Variants in DNM3 observed in about 807,000 individuals in gnomAD.
DNM3 encodes dynamin-3.
DNM3 carries 47 observed loss-of-function variants against 101.6 expected under a neutral mutation model. The ratio of observed to expected loss-of-function variants is 0.46; its 90% CI spans 0.37 to 0.59. The LOEUF is 0.59. DNM3 is among the 20% of genes least tolerant of loss of function. The pLI, the probability that DNM3 is intolerant of heterozygous loss-of-function variation, is 0.00. For missense variants in DNM3, 849 were observed against 1,085.7 expected (o/e 0.78, Z 3.06); for synonymous variants, 385 against 387.9 (o/e 0.99, Z 0.09).
chr1:172,118,507 G>A (rs773115549), intron 13 of DNM3, among the ~76,000 whole-genome samples: 1 of 151,934 alleles, frequency 6.6e-6, no homozygotes, highest in Non-Finnish European at 1.5e-5. Context: ...CTGATTCTCT[G>A]TTTGATATGT....
chr1:172,342,515 CCAAATATTA>C (rs1222319670), intron 17 of DNM3, among the ~76,000 whole-genome samples: 1 of 152,008 alleles, frequency 6.6e-6, no homozygotes, highest in East Asian at 1.9e-4. Context: ...GAACAGAAAA[CCAAATATTA>C]CATGTTTTCA....
chr1:172,108,486 T>C (rs558766382), intron 13 of DNM3, among the ~76,000 whole-genome samples: 2 of 152,364 alleles, frequency 1.3e-5, no homozygotes, highest in South Asian at 4.1e-4. Flanking sequence ...GCAAAATGGT[T>C]TATTTGCCTA....
intron 17 of DNM3, among the ~76,000 whole-genome samples, chr1:172,326,364 G>A (rs1270526714): frequency 6.6e-6 from 1 of 152,082 alleles, no homozygotes; most frequent in Non-Finnish European, 1.5e-5. Context: ...GGTTTCCCTG[G>A]ACCACAGATT....
intron 4 of DNM3, among the ~76,000 whole-genome samples, chr1:171,998,647 C>A (rs1035040968): frequency 1.9e-4 from 29 of 151,996 alleles, no homozygotes; most frequent in Non-Finnish European, 1.0e-4. Context: ...AGCCAGATAA[C>A]AGAAAACCCA....
At chr1:171,921,951 C>A in intron 2 of DNM3, 130 bp downstream of exon 2, 1 of 672,424 alleles carries the variant, frequency 1.5e-6, no homozygotes, top group Non-Finnish European at 2.6e-6. Flanking sequence ...CCACATTTCT[C>A]TCCAGAATGC....
intron 17 of DNM3, among the ~76,000 whole-genome samples, chr1:172,356,924 T>G (rs2067483318): frequency 6.6e-6 from 1 of 151,994 alleles, no homozygotes; most frequent in African/African-American, 2.4e-5. Flanking sequence ...CAAAACCTTA[T>G]GGGGATATAT....
chr1:172,106,929 C>T (rs1341632303), intron 13 of DNM3, among the ~76,000 whole-genome samples: 1 of 139,958 alleles, frequency 7.1e-6, no homozygotes, highest in Non-Finnish European at 1.5e-5. Context: ...GGCGCAATCT[C>T]GGCTCACTGC....
chr1:172,197,256 C>A (rs1265201114), intron 14 of DNM3, among the ~76,000 whole-genome samples: 1 of 151,908 alleles, frequency 6.6e-6, no homozygotes, highest in African/African-American at 2.4e-5. Flanking sequence ...TATTCTGTTC[C>A]ATTGGTCTAT....
In DNM3 at chr1:172,033,102, C is replaced by A; in HGVS notation, c.689-3C>A. 1 of 1,610,772 alleles carries A rather than the reference C, an allele frequency of 6.2e-7. No individual in the cohort carries two copies. The highest frequency in any genetic ancestry group is 8.5e-7 in the Non-Finnish European group (1 of 1,178,464). On this transcript the variant is annotated splice_polypyrimidine_tract_variant and splice_region_variant and intron_variant, in intron 5 of 20. Transcript: ENST00000627582. ...AACTCCATAGATTTGTGTTTTGTTT[C>A]AGGTTACGTGGGGGTGGTAAACAGA... is the stretch of plus-strand genomic sequence containing the variant.
chr1:172,279,219 T>C (rs1190615459), intron 15 of DNM3, among the ~76,000 whole-genome samples: 1 of 152,160 alleles, frequency 6.6e-6, no homozygotes, highest in East Asian at 1.9e-4. Context: ...TAAAAGCATA[T>C]TCATTTGAAA....
intron 14 of DNM3, chr1:172,138,180 T>C (rs530129271): frequency 3.7e-4 from 57 of 152,204 alleles, no homozygotes; most frequent in African/African-American, 1.4e-3. Context: ...GAAACTATTA[T>C]TTTAATATAG....
intron 6 of DNM3, among the ~76,000 whole-genome samples, chr1:172,034,958 C>G (rs1219959375): frequency 1.3e-5 from 2 of 151,816 alleles, no homozygotes; most frequent in African/African-American, 4.8e-5. Context: ...AGAGGAACAA[C>G]AAGATCAGAT....
At chr1:172,117,926 C>T (rs2056039442) in intron 13 of DNM3, among the ~76,000 whole-genome samples, 1 of 152,138 alleles carries the variant, frequency 6.6e-6, no homozygotes, top group Non-Finnish European at 1.5e-5. Context: ...GATTGTGGCA[C>T]TGAACAGGGG....
At chr1:172,137,854 T>A (rs1273959608) in intron 14 of DNM3, 1 of 152,160 alleles carries the variant, frequency 6.6e-6, no homozygotes, top group Non-Finnish European at 1.5e-5. Context: ...CCCTTATCAT[T>A]TCACTCCAGT....
rs574482533 is a variant in DNM3, at chr1:172,356,804, A to C, written c.1894-22214A>C. Among the ~76,000 whole-genome samples, 15 of 152,170 alleles carry C rather than the reference A, an allele frequency of 9.9e-5. 1 individual carries two copies. The highest frequency in any genetic ancestry group is 1.7e-4 in the African/African-American group (7 of 41,536). ...GAAAAAGATAAGGTTACTTTATACTATCTCTCAATAAATGGAGCCAAGGAT... is the reference window on the plus strand; with the variant it reads ...GAAAAAGATAAGGTTACTTTATACTCTCTCTCAATAAATGGAGCCAAGGAT... On this transcript the variant is annotated intron_variant, in intron 17 of 20. Coordinates refer to ENST00000627582, the MANE Select transcript of DNM3 (RefSeq NM_015569.5).
chr1:171,853,497 T>A (rs2033221176), intron 1 of DNM3, among the ~76,000 whole-genome samples: 1 of 152,214 alleles, frequency 6.6e-6, no homozygotes, highest in Non-Finnish European at 1.5e-5. Flanking sequence ...AAAAGCTTAA[T>A]TTTAAAATCT....
intron 14 of DNM3, among the ~76,000 whole-genome samples, chr1:172,189,531 A>G (rs913871621): frequency 6.6e-6 from 1 of 151,924 alleles, no homozygotes; most frequent in Admixed American, 6.6e-5. Flanking sequence ...GATTTATTTC[A>G]CTAGAGTTTC....
intron 15 of DNM3, among the ~76,000 whole-genome samples, chr1:172,264,279 T>G (rs1191404458): frequency 6.6e-6 from 1 of 152,218 alleles, no homozygotes; most frequent in African/African-American, 2.4e-5. Flanking sequence ...AAAACATTCC[T>G]TTTTGTTTCC....
intron 13 of DNM3, among the ~76,000 whole-genome samples, chr1:172,102,406 G>A (rs1276852275): frequency 6.6e-6 from 1 of 152,076 alleles, no homozygotes; most frequent in African/African-American, 2.4e-5. Context: ...TATACAGCCT[G>A]TTAATTTGTT....
Sources: gnomAD v4.1 joint callset for allele counts (sites outside exome capture counted in the v4.1 genomes callset) on GRCh38, gnomAD v4.1.1 for gene constraint, MANE v1.5 for transcripts, NCBI Gene and HGNC (gene_info 2026-07-23, HGNC 2026-07-21) for gene names.